The following ANKH variants were observed in gnomAD, a reference collection of about 807,000 sequenced individuals.
ANKH encodes mineralization regulator ANKH.
ANKH carries 15 observed loss-of-function variants against 49.0 expected under a neutral mutation model. The observed-to-expected ratio is 0.31, with a 90% CI of 0.20 to 0.47. ANKH has a LOEUF of 0.47. ANKH is among the 20% of genes least tolerant of loss of function. The pLI, the probability that ANKH is intolerant of heterozygous loss-of-function variation, is 1.00. For synonymous variants in ANKH, 273 were observed against 260.0 expected (o/e 1.05, Z -0.48); for missense variants, 429 against 652.0 (o/e 0.66, Z 3.72).
chr5:14,794,195 C>G (rs939798454), intron 1 of ANKH, among the ~76,000 whole-genome samples: 15 of 152,228 alleles, frequency 9.9e-5, no homozygotes, highest in African/African-American at 3.4e-4. Flanking sequence ...CCAGCCTATT[C>G]TAGAGCAGCA....
chr5:14,836,094 A>G (rs1418585647), intron 1 of ANKH, among the ~76,000 whole-genome samples: 2 of 152,180 alleles, frequency 1.3e-5, no homozygotes, highest in Non-Finnish European at 2.9e-5. Context: ...CTCTCAATAA[A>G]CTAGGTATTG....
intron 4 of ANKH, among the ~76,000 whole-genome samples, chr5:14,753,668 C>T (rs1299274309): frequency 6.6e-6 from 1 of 152,104 alleles, no homozygotes; most frequent in Non-Finnish European, 1.5e-5. Context: ...TCCACGAATC[C>T]CTTGGCAATG....
intron 1 of ANKH, among the ~76,000 whole-genome samples, chr5:14,841,299 A>AT (rs1216627481): frequency 2.8e-4 from 42 of 149,540 alleles, no homozygotes; most frequent in African/African-American, 9.9e-4. Context: ...TATAACATTT[A>AT]TTTTGTTTTT....
At chr5:14,768,109 A>G (rs1052672185) in intron 2 of ANKH, 5 of 152,370 alleles carry the variant, frequency 3.3e-5, no homozygotes, top group South Asian at 2.1e-4. Context: ...TCAGATTCGC[A>G]GTTATGTGAG....
rs746190831 is a variant in ANKH at position 14,712,231 on chromosome 5, GCTCT to G, written c.1365+639_1365+642del. Among the ~76,000 whole-genome samples, 30 of 152,344 alleles carry G rather than the reference GCTCT, an allele frequency of 2.0e-4. No homozygotes were observed. The South Asian group carries it at 2.3e-3, about 12-fold the overall frequency. The stretch of plus-strand genomic sequence containing the variant: ...GATGCACGTCACGCACCGTGAGCAG[GCTCT>G]CTGAGTGGCCTGGCCGTCACTCTGC... On this transcript the variant is annotated intron_variant, in intron 11 of 11. Transcript: ENST00000284268.
At chr5:14,801,456 C>T (rs1488606471) in intron 1 of ANKH, among the ~76,000 whole-genome samples, 1 of 152,176 alleles carries the variant, frequency 6.6e-6, no homozygotes, top group Non-Finnish European at 1.5e-5. Flanking sequence ...TTAATAGGTG[C>T]TGTGTATAAA....
chr5:14,835,565 T>C (rs1257860506), intron 1 of ANKH, among the ~76,000 whole-genome samples: 1 of 152,206 alleles, frequency 6.6e-6, no homozygotes, highest in African/African-American at 2.4e-5. Context: ...TGGGTTACTA[T>C]GCGTTTCTGG....
At chr5:14,844,380 T>C (rs1741898515) in intron 1 of ANKH, among the ~76,000 whole-genome samples, 1 of 152,246 alleles carries the variant, frequency 6.6e-6, no homozygotes, top group Non-Finnish European at 1.5e-5. Flanking sequence ...TTAGTGCTTT[T>C]GCCAAATTTC....
At chr5:14,826,056 T>C (rs1041554317) in intron 1 of ANKH, 2 of 154,262 alleles carry the variant, frequency 1.3e-5, no homozygotes, top group African/African-American at 4.8e-5. Context: ...ATATCACTGG[T>C]TAAGACATTA....
chr5:14,762,248 T>C (rs1348630801), intron 2 of ANKH, among the ~76,000 whole-genome samples: 1 of 152,204 alleles, frequency 6.6e-6, no homozygotes, highest in Non-Finnish European at 1.5e-5. Context: ...TCAAAAACAG[T>C]GCCTTCATGC....
At chr5:14,814,775 T>G (rs1740982685) in intron 1 of ANKH, among the ~76,000 whole-genome samples, 1 of 152,230 alleles carries the variant, frequency 6.6e-6, no homozygotes, top group Non-Finnish European at 1.5e-5. Context: ...CCATCTTCTA[T>G]CTGAGGAGGG....
intron 7 of ANKH, among the ~76,000 whole-genome samples, chr5:14,744,804 CAG>C (rs893538334): frequency 1.1e-4 from 16 of 152,214 alleles, no homozygotes; most frequent in African/African-American, 3.1e-4. Flanking sequence ...CAAACGGTCT[CAG>C]GGGGGCATTT....
chr5:14,717,082 A>G, intron 8 of ANKH: 1 of 473,848 alleles, frequency 2.1e-6, no homozygotes. Context: ...GGCTCCTCCA[A>G]GAGTGGGTCA....
At chr5:14,844,910 A>G (rs1355481341) in intron 1 of ANKH, among the ~76,000 whole-genome samples, 1 of 152,188 alleles carries the variant, frequency 6.6e-6, no homozygotes, top group Non-Finnish European at 1.5e-5. Flanking sequence ...GATTGGAGCC[A>G]TAGGGTTGGT....
intron 1 of ANKH, among the ~76,000 whole-genome samples, chr5:14,851,927 A>G (rs1362094706): frequency 6.6e-6 from 1 of 152,230 alleles, no homozygotes; most frequent in Non-Finnish European, 1.5e-5. Flanking sequence ...AAATCAATGG[A>G]TACAGTTAGG....
At chr5:14,825,748 C>T (rs764578430) in intron 1 of ANKH, among the ~76,000 whole-genome samples, 5 of 152,196 alleles carry the variant, frequency 3.3e-5, no homozygotes, top group Non-Finnish European at 5.9e-5. Context: ...CTGAACTGAT[C>T]GTGCAGAATC....
chr5:14,729,069 T>A (rs1192192887), intron 8 of ANKH, among the ~76,000 whole-genome samples: 1 of 152,162 alleles, frequency 6.6e-6, no homozygotes, highest in African/African-American at 2.4e-5. Flanking sequence ...TTTTTCTTTT[T>A]TTTTGAGACA....
chr5:14,734,416 G>C (rs1345974914), intron 8 of ANKH, among the ~76,000 whole-genome samples: 1 of 152,196 alleles, frequency 6.6e-6, no homozygotes, highest in Non-Finnish European at 1.5e-5. Context: ...TGCTCCATCT[G>C]TAAGGGCGCA....
intron 1 of ANKH, among the ~76,000 whole-genome samples, chr5:14,810,336 T>G (rs1234448916): frequency 6.6e-6 from 1 of 151,900 alleles, no homozygotes; most frequent in African/African-American, 2.4e-5. Flanking sequence ...TTTCTGTATT[T>G]TTAGTAGAGG....
Sources: gnomAD v4.1 joint callset for allele counts (sites outside exome capture counted in the v4.1 genomes callset) on GRCh38, gnomAD v4.1.1 for gene constraint, MANE v1.5 for transcripts, NCBI Gene and HGNC (gene_info 2026-07-23, HGNC 2026-07-21) for gene names.